The following L3MBTL4 variants were observed in gnomAD, a reference collection of about 807,000 sequenced individuals.
L3MBTL4 encodes L3MBTL histone methyl-lysine binding protein 4, also known as lethal(3)malignant brain tumor-like protein 4.
A neutral mutation model predicts 84.5 loss-of-function variants in L3MBTL4; 70 were observed. The ratio of observed to expected loss-of-function variants is 0.83; its 90% CI spans 0.68 to 1.01. The LOEUF (loss-of-function observed/expected upper bound fraction) is 1.01. L3MBTL4 is among the 50% of genes least tolerant of loss of function. L3MBTL4 has a pLI of 0.00. For synonymous variants in L3MBTL4, 274 were observed against 259.8 expected (o/e 1.05, Z -0.52); for missense variants, 715 against 754.8 (o/e 0.95, Z 0.62).
intron 14 of L3MBTL4, among the ~76,000 whole-genome samples, chr18:6,100,624 C>T (rs1598747151): frequency 6.6e-6 from 1 of 152,286 alleles, no homozygotes; most frequent in Middle Eastern, 3.4e-3. Flanking sequence ...ATTGGCAGGC[C>T]TCCTTTCACA....
chr18:6,235,883 AAAGT>A (rs1207612082), intron 10 of L3MBTL4, among the ~76,000 whole-genome samples: 1 of 152,374 alleles, frequency 6.6e-6, no homozygotes, highest in East Asian at 1.9e-4. Flanking sequence ...CAAATTTAAT[AAAGT>A]AAGTACTAGA....
chr18:6,178,575 A>C lies in L3MBTL4; in HGVS notation c.982-6633T>G, dbSNP rs148326188. Among the ~76,000 whole-genome samples, 211 of 152,324 alleles carry C rather than the reference A, an allele frequency of 1.4e-3. 1 individual carries two copies. Among genetic ancestry groups the C allele is most frequent in the African/African-American group, 4.6e-3 (192 of 41,578 alleles). ...TTTTTCACATATCTGGGTTTGCATA[A>C]AATAAACATGTAGACCCTTCTTGCT... is the stretch of plus-strand genomic sequence containing the variant. On this transcript the variant is annotated intron_variant, in intron 12 of 18. Transcript: ENST00000317931.
In L3MBTL4 at chr18:6,397,996, G is replaced by A. The variant is rs187071593; in HGVS notation, c.-91+16805C>T. The A allele has an allele frequency of 1.4e-4, 21 of 152,242 alleles. 4 individuals carry two copies. Among genetic ancestry groups the A allele is most frequent in the African/African-American group, 4.6e-4 (19 of 41,548 alleles). The allele number at this position is 152,242 out of a possible 1,614,324, so 9.4% of individuals were successfully genotyped here. On this transcript the variant is annotated intron_variant, in intron 1 of 18. Coordinates refer to ENST00000317931, the MANE Select transcript of L3MBTL4 (RefSeq NM_001330559.2). ...GAAGAAAAATCCATTATTCTGAGAT[G>A]GTTTCCCTCTTACATTTTTGTTGTT...
At chr18:5,957,921 A>G (rs1019434780) in intron 18 of L3MBTL4, among the ~76,000 whole-genome samples, 5 of 150,222 alleles carry the variant, frequency 3.3e-5, no homozygotes, top group African/African-American at 1.2e-4. Flanking sequence ...GATCATCCCA[A>G]TGCATTCCAG....
At position 6,213,387 on chromosome 18, in the gene L3MBTL4, G is replaced by GT. The variant is rs1005536204; in HGVS notation, c.871-129dup. 1.1e-5 allele frequency: 6 copies of GT among 569,170 alleles called. No individual in the cohort carries two copies. In the Admixed American group the frequency reaches 1.4e-4, roughly 14 times the overall value. 35.3% of individuals were successfully genotyped at this position (569,170 alleles called of 1,614,324 possible). A position where few individuals can be genotyped will look rare whatever the true frequency, so the allele number is the denominator to read the frequency against. On this transcript the variant is annotated intron_variant, in intron 11 of 18. Coordinates refer to ENST00000317931, the MANE Select transcript of L3MBTL4 (RefSeq NM_001330559.2). ...ATCTTCAATACAACTGGAATTTAGT[G>GT]TTTTTTGTTTTGCTTTTTTGTTTTT...
chr18:6,213,187 C>G lies in L3MBTL4; in HGVS notation c.943G>C (p.Val315Leu). 4 of 1,609,168 alleles carry G rather than the reference C, an allele frequency of 2.5e-6. No individual in the cohort carries two copies. The highest frequency in any genetic ancestry group is 3.4e-6 in the Non-Finnish European group (4 of 1,178,230). ...VDKRNPRLIRVATIVDVDDQR... is the reference protein window; with the variant it reads ...VDKRNPRLIRLATIVDVDDQR... Reference sequence around the variant, plus strand: ...TCATCAACATCTACAATCGTAGCAACACGAATTAACCTGGGGTTCCGTTTA... The same window carrying G: ...TCATCAACATCTACAATCGTAGCAAGACGAATTAACCTGGGGTTCCGTTTA... Residue 315 changes from valine (V) to leucine (L), a missense_variant, in exon 12 of 19, where the codon GTT becomes CTT. Val to Leu is a conservative substitution (Grantham distance 32). Transcript: ENST00000317931.
At chr18:6,360,739 C>T (rs886883640) in intron 1 of L3MBTL4, among the ~76,000 whole-genome samples, 1 of 152,008 alleles carries the variant, frequency 6.6e-6, no homozygotes. Context: ...CCTGTAAACC[C>T]AACACTTTGA....
At chr18:6,154,862 A>G (rs1381964036) in intron 13 of L3MBTL4, among the ~76,000 whole-genome samples, 1 of 152,220 alleles carries the variant, frequency 6.6e-6, no homozygotes, top group African/African-American at 2.4e-5. Context: ...GAGAGGGATT[A>G]CATAAAAGAT....
intron 1 of L3MBTL4, among the ~76,000 whole-genome samples, chr18:6,388,985 C>T (rs1400822415): frequency 6.6e-6 from 1 of 152,108 alleles, no homozygotes; most frequent in East Asian, 1.9e-4. Context: ...AAACTAGGGA[C>T]AAGGAAAGTC....
At chr18:6,182,439 CA>C (rs2044518450) in intron 12 of L3MBTL4, among the ~76,000 whole-genome samples, 1 of 152,044 alleles carries the variant, frequency 6.6e-6, no homozygotes, top group South Asian at 2.1e-4. Flanking sequence ...TTCTGGATAT[CA>C]CCTTTGTTGG....
intron 14 of L3MBTL4, among the ~76,000 whole-genome samples, chr18:6,135,228 C>G (rs923138346): frequency 6.6e-6 from 1 of 152,064 alleles, no homozygotes; most frequent in Non-Finnish European, 1.5e-5. Context: ...TGGGCCCAAC[C>G]CACAAAACCA....
chr18:6,085,363 A>G (rs1403409246), intron 15 of L3MBTL4, among the ~76,000 whole-genome samples: 2 of 152,228 alleles, frequency 1.3e-5, no homozygotes, highest in Non-Finnish European at 2.9e-5. Context: ...ATATTGTTAA[A>G]TGAAATAAAA....
intron 1 of L3MBTL4, among the ~76,000 whole-genome samples, chr18:6,407,823 T>C (rs931522330): frequency 3.9e-5 from 6 of 152,330 alleles, no homozygotes; most frequent in South Asian, 4.1e-4. Context: ...CCAACAAGTT[T>C]TCTGGAGAAC....
intron 1 of L3MBTL4, among the ~76,000 whole-genome samples, chr18:6,404,382 A>G (rs986378117): frequency 6.6e-6 from 1 of 152,236 alleles, no homozygotes; most frequent in African/African-American, 2.4e-5. Flanking sequence ...GTGCACCCCA[A>G]GCCATTCACT....
intron 13 of L3MBTL4, among the ~76,000 whole-genome samples, chr18:6,151,365 C>T (rs1227996408): frequency 2.6e-5 from 4 of 151,792 alleles, no homozygotes; most frequent in Non-Finnish European, 5.9e-5. Flanking sequence ...ACACAATAAG[C>T]AACTGCTACA....
chr18:6,029,512 G>C (rs1425417079), intron 16 of L3MBTL4: 1 of 983,182 alleles, frequency 1.0e-6, no homozygotes, highest in Non-Finnish European at 1.2e-6. Context: ...TTTCCATACA[G>C]ACAATCTTAG....
intron 1 of L3MBTL4, among the ~76,000 whole-genome samples, chr18:6,356,543 T>TG (rs1048776904): frequency 6.6e-6 from 1 of 152,258 alleles, no homozygotes; most frequent in African/African-American, 2.4e-5. Context: ...TCAGGCTATA[T>TG]GGAATGGCCT....
intron 16 of L3MBTL4, among the ~76,000 whole-genome samples, chr18:6,035,598 G>A (rs1398890187): frequency 6.6e-6 from 1 of 152,190 alleles, no homozygotes; most frequent in Non-Finnish European, 1.5e-5. Flanking sequence ...CTCTGGCTTT[G>A]TTCTTTTGGC....
At position 6,306,335 on chromosome 18, in the gene L3MBTL4, C is replaced by T. The variant is rs563421750; in HGVS notation, c.73-4378G>A. On this transcript the variant is annotated intron_variant, in intron 3 of 18. Transcript: ENST00000317931. Reference sequence around the variant, plus strand: ...GAAATACTTCCATTTTGTTCAAATACTTGATAATATAGCTACAGTCTCCAA... The same window carrying T: ...GAAATACTTCCATTTTGTTCAAATATTTGATAATATAGCTACAGTCTCCAA... Among the ~76,000 whole-genome samples the T allele has an allele frequency of 2.0e-5, 3 of 152,292 alleles. No homozygotes were observed. In the South Asian group the frequency reaches 6.2e-4, roughly 32 times the overall value.
Sources: allele counts gnomAD v4.1 joint callset (sites outside exome capture counted in the v4.1 genomes callset), GRCh38; gene constraint gnomAD v4.1.1; transcripts MANE v1.5; gene names NCBI Gene and HGNC (gene_info 2026-07-23, HGNC 2026-07-21).